Variants in TMPRSS7 observed in about 807,000 individuals in gnomAD.
TMPRSS7 encodes transmembrane serine protease 7, also known as transmembrane protease serine 7.
In TMPRSS7, 81 loss-of-function variants were observed where a neutral mutation model predicts 95.6. The observed-to-expected ratio is 0.85, with a 90% CI of 0.71 to 1.02. The LOEUF (loss-of-function observed/expected upper bound fraction) is 1.02. Ranked by LOEUF, TMPRSS7 falls within the 50% of genes least tolerant of loss-of-function variation. The probability of loss-of-function intolerance (pLI) is 0.00; values close to 1 mark genes in which losing one functional copy is unlikely to be tolerated. For missense variants in TMPRSS7, 945 were observed against 955.2 expected (o/e 0.99, Z 0.14); for synonymous variants, 364 against 337.8 (o/e 1.08, Z -0.85).
At chr3:112,073,089 CT>C (rs1156538909) in intron 13 of TMPRSS7, among the ~76,000 whole-genome samples, 2,372 of 128,430 alleles carry the variant, frequency 0.018, 36 homozygotes, top group African/African-American at 0.06. Context: ...TGTTTCCTGA[CT>C]TTTTTTTTTT....
chr3:112,045,626 A>G (rs1048386578), intron 4 of TMPRSS7, 124 bp from the exon 5 acceptor site: 1 of 884,168 alleles, frequency 1.1e-6, no homozygotes, highest in African/African-American at 1.7e-5. Flanking sequence ...ATGACTACCT[A>G]AAGAAGGGAG....
intron 9 of TMPRSS7, among the ~76,000 whole-genome samples, chr3:112,054,150 T>C (rs1306186872): frequency 6.6e-6 from 1 of 152,230 alleles, no homozygotes; most frequent in Non-Finnish European, 1.5e-5. Flanking sequence ...ACTGCTCATC[T>C]GAGGTGGGTT....
At chr3:112,080,850 A>G (rs2073769873) in intron 17 of TMPRSS7, 64 bp from the exon 18 acceptor site, 1 of 1,506,224 alleles carries the variant, frequency 6.6e-7, no homozygotes, top group Non-Finnish European at 9.0e-7. Context: ...ATTAGATACA[A>G]TAAAGATGAA....
chr3:112,061,775 T>G lies in TMPRSS7; in HGVS notation c.1311-12T>G, dbSNP rs1483206884. On this transcript the variant is annotated splice_polypyrimidine_tract_variant and intron_variant, in intron 10 of 17. Coordinates refer to ENST00000452346, the Ensembl canonical transcript of TMPRSS7. ...TCAAGCTGTGTATTCTCCCCGACTCTTGTCTCCCCAGGTACTGTGGCTCCT... is the reference window on the plus strand; with the variant it reads ...TCAAGCTGTGTATTCTCCCCGACTCGTGTCTCCCCAGGTACTGTGGCTCCT... 5.6e-6 allele frequency: 9 copies of G among 1,593,880 alleles called. No individual in the cohort carries two copies. The South Asian group carries it at 8.0e-5, about 14-fold the overall frequency.
chr3:112,047,897 G>C (rs190680217), exon 7 of TMPRSS7: 1 of 1,613,966 alleles, frequency 6.2e-7, no homozygotes, highest in South Asian at 1.1e-5. Context: ...AATCGAAGCC[G>C]ACAACTGTGT....
chr3:112,074,387 A>G, exon 14 of TMPRSS7: 3 of 1,613,138 alleles, frequency 1.9e-6, no homozygotes. Context: ...TGGATTGTCC[A>G]GATGGAAGTG....
At chr3:112,076,444 T>C (rs1422347133) in intron 15 of TMPRSS7, among the ~76,000 whole-genome samples, 2 of 152,250 alleles carry the variant, frequency 1.3e-5, no homozygotes, top group Non-Finnish European at 2.9e-5. Flanking sequence ...TATAGCACTT[T>C]GATTTCTAAT....
At chr3:112,051,617 ATC>A (rs1175516454) in intron 9 of TMPRSS7, among the ~76,000 whole-genome samples, 29 of 140,526 alleles carry the variant, frequency 2.1e-4, no homozygotes, top group African/African-American at 5.8e-4. Context: ...TTATCTATCT[ATC>A]TCTATCATCT....
At chr3:112,049,806 T>G in intron 7 of TMPRSS7, 38 bp from the exon 8 acceptor site, 3 of 1,476,888 alleles carry the variant, frequency 2.0e-6, no homozygotes, top group Non-Finnish European at 2.7e-6. Context: ...TCAAATAACG[T>G]ATTATTCATG....
intron 2 of TMPRSS7, among the ~76,000 whole-genome samples, chr3:112,040,729 A>G (rs2073197327): frequency 6.6e-6 from 1 of 152,334 alleles, no homozygotes; most frequent in East Asian, 1.9e-4. Context: ...AAAATCAGAG[A>G]AGGCCACTTC....
intron 2 of TMPRSS7, among the ~76,000 whole-genome samples, chr3:112,039,974 T>C (rs1473728159): frequency 2.0e-5 from 3 of 152,138 alleles, no homozygotes; most frequent in African/African-American, 7.2e-5. Context: ...CAGAATTGAA[T>C]TGAATCATTG....
rs1032811716 is a variant in TMPRSS7 at position 112,037,693 on chromosome 3, G to A, written c.49-379G>A. On this transcript the variant is annotated intron_variant, in intron 1 of 17. Transcript: ENST00000452346. ...CTGAGGGGGCATCATGGAACCTGCC[G>A]ACATGTGATGTCTTCCCCGGACACC... Among the ~76,000 whole-genome samples the A allele has an allele frequency of 4.6e-5, 7 of 152,086 alleles. 1 individual carries two copies. Among genetic ancestry groups the A allele is most frequent in the Non-Finnish European group, 7.4e-5 (5 of 68,016 alleles).
At chr3:112,058,341 A>T (rs1385090719) in intron 10 of TMPRSS7, among the ~76,000 whole-genome samples, 1 of 152,150 alleles carries the variant, frequency 6.6e-6, no homozygotes, top group African/African-American at 2.4e-5. Context: ...TCAAGACTCT[A>T]TGTTGTGGGA....
rs762184222 is a variant in TMPRSS7 at position 112,061,772 on chromosome 3, C to A, written c.1311-15C>A. ...ACCTCAAGCTGTGTATTCTCCCCGA[C>A]TCTTGTCTCCCCAGGTACTGTGGCT... On this transcript the variant is annotated splice_polypyrimidine_tract_variant and intron_variant, in intron 10 of 17. Coordinates refer to ENST00000452346, the Ensembl canonical transcript of TMPRSS7. The A allele has an allele frequency of 1.9e-6, 3 of 1,592,734 alleles. No homozygotes were observed. Among genetic ancestry groups the A allele is most frequent in the Non-Finnish European group, 2.6e-6 (3 of 1,168,558 alleles).
chr3:112,052,076 A>G (rs2073367428), intron 9 of TMPRSS7, among the ~76,000 whole-genome samples: 1 of 152,022 alleles, frequency 6.6e-6, no homozygotes, highest in African/African-American at 2.4e-5. Context: ...ATAAACAAAC[A>G]AGTTAAATAC....
chr3:112,067,757 A>G (rs1174705001), intron 13 of TMPRSS7, among the ~76,000 whole-genome samples: 2 of 152,298 alleles, frequency 1.3e-5, no homozygotes, highest in African/African-American at 4.8e-5. Context: ...TAGATTGCAA[A>G]CATTTTCTCC....
At chr3:112,079,952 G>A (rs569815861) in intron 17 of TMPRSS7, among the ~76,000 whole-genome samples, 19 of 152,174 alleles carry the variant, frequency 1.2e-4, no homozygotes, top group African/African-American at 4.6e-4. Flanking sequence ...TCTATTTTGG[G>A]TGCTTCCCAT....
chr3:112,043,940 A>G (rs2073243642), intron 3 of TMPRSS7, among the ~76,000 whole-genome samples: 1 of 152,220 alleles, frequency 6.6e-6, no homozygotes, highest in Admixed American at 6.5e-5. Context: ...AATGAGTTTG[A>G]TTTGTTAACT....
intron 10 of TMPRSS7, among the ~76,000 whole-genome samples, chr3:112,060,733 C>T (rs1284862919): frequency 6.6e-6 from 1 of 152,160 alleles, no homozygotes; most frequent in Admixed American, 6.5e-5. Context: ...GCAATCATCA[C>T]AGGGTCCTGA....
Sources: allele counts gnomAD v4.1 joint callset (sites outside exome capture counted in the v4.1 genomes callset), GRCh38; gene constraint gnomAD v4.1.1; transcripts MANE v1.5; gene names NCBI Gene and HGNC (gene_info 2026-07-23, HGNC 2026-07-21).